The following FCGR3B variants were observed in gnomAD, a reference collection of about 807,000 sequenced individuals.
The protein encoded by FCGR3B is Fc gamma receptor IIIb.
FCGR3B carries 20 observed loss-of-function variants against 26.7 expected under a neutral mutation model. The observed-to-expected ratio is 0.75, with a 90% CI of 0.53 to 1.09. FCGR3B has a LOEUF of 1.09. FCGR3B is among the 50% of genes least tolerant of loss of function. The pLI is 0.00. For synonymous variants in FCGR3B, 79 were observed against 107.0 expected (o/e 0.74, Z 1.62); for missense variants, 191 against 279.7 (o/e 0.68, Z 2.26).
At chr1:161,631,275 C>G (rs1159785172), upstream of FCGR3B, 11 of 1,439,818 alleles carry the variant, frequency 7.6e-6, no homozygotes, top group African/African-American at 1.0e-4. Flanking sequence ...CAATGGAGCC[C>G]CACCATAGAA....
chr1:161,625,957 G>A (rs1181814227), intron 4 of FCGR3B, among the ~76,000 whole-genome samples, 188 bp downstream of exon 4: 6 of 147,358 alleles, frequency 4.1e-5, no homozygotes, highest in Admixed American at 2.0e-4. Flanking sequence ...AGAATGGACT[G>A]AAACAGAGCT....
intron 4 of FCGR3B, 151 bp from the exon 5 acceptor site, chr1:161,624,790 C>G: frequency 1.3e-6 from 1 of 756,854 alleles, no homozygotes; most frequent in Non-Finnish European, 2.1e-6. Context: ...AGTATTGCTT[C>G]CTCCCATTGG....
At position 161,626,957 on chromosome 1, in the gene FCGR3B, C is replaced by T. The variant is rs1380054769; in HGVS notation, c.320-555G>A. Among the ~76,000 whole-genome samples, 24 of 149,854 alleles carry T rather than the reference C, an allele frequency of 1.6e-4. 1 individual carries two copies. The highest frequency in any genetic ancestry group is 3.3e-4 in the Admixed American group (5 of 15,012). ...ATGTAAACATCAGGGTGGCGAAGGG[C>T]GGGACTGGTAGTGCTCAGAGTGGCA... is the stretch of plus-strand genomic sequence containing the variant. On this transcript the variant is annotated intron_variant, in intron 3 of 4. Transcript: ENST00000650385.
intron 4 of FCGR3B, among the ~76,000 whole-genome samples, chr1:161,625,889 T>A (rs1010375796): frequency 4.7e-5 from 7 of 147,890 alleles, no homozygotes; most frequent in African/African-American, 1.8e-4. Flanking sequence ...GGAGGAGATG[T>A]GGCTTCTGCT....
At position 161,629,964 on chromosome 1, in the gene FCGR3B, G is replaced by C. The variant is rs376361357; in HGVS notation, c.133C>G (p.Leu45Val). The change falls in exon 3 of 5, where the codon CTG (leucine) becomes GTG (valine). Residue 45 changes from leucine to valine, a missense_variant. This residue lies in a region of FCGR3B where 88 missense variants were observed against 165.2 expected (regional missense o/e 0.53). Transcript: ENST00000650385. Reference sequence around the variant, plus strand: ...GGGGAGTAGGCTCCCTGGCACTTCAGAGTCACACTGTCCTTCTCAAGCACG... The same window carrying C: ...GGGGAGTAGGCTCCCTGGCACTTCACAGTCACACTGTCCTTCTCAAGCACG... Reference protein sequence around the residue: ...YSVLEKDSVTLKCQGAYSPED... With the variant: ...YSVLEKDSVTVKCQGAYSPED... 4.0e-5 allele frequency: 57 copies of C among 1,408,086 alleles called. 7 individuals carry two copies. The highest frequency in any genetic ancestry group is 3.7e-4 in the Middle Eastern group (2 of 5,436). The allele number at this position is 1,408,086 out of a possible 1,614,324, so 87.2% of individuals were successfully genotyped here.
At position 161,624,530 on chromosome 1, in the gene FCGR3B, C is replaced by T. The variant is rs768731670; in HGVS notation, c.687G>A (p.Val229=). ...TTGTTGAGCTTCAAATGTTTGTCTT[C>T]ACAGAGAAATATAGTCCTGTGTCCA... The part of the protein sequence containing the change: ...FAVDTGLYFS[V]KTNI The change falls in exon 5 of 5, where the codon GTG becomes GTA. Residue 229 remains valine (V), a synonymous_variant. Coordinates refer to ENST00000650385, the MANE Select transcript of FCGR3B (RefSeq NM_001244753.2). 5 of 1,606,896 alleles carry T rather than the reference C, an allele frequency of 3.1e-6. 1 individual carries two copies. The highest frequency in any genetic ancestry group is 3.4e-6 in the Non-Finnish European group (4 of 1,176,842).
chr1:161,630,867 C>T (rs1679712298), intron 1 of FCGR3B, 188 bp downstream of exon 1: 8 of 1,374,846 alleles, frequency 5.8e-6, no homozygotes, highest in Non-Finnish European at 7.7e-6. Context: ...GACTATGACC[C>T]AATTGGAACC....
chr1:161,630,854 C>A, intron 1 of FCGR3B: 1 of 1,300,618 alleles, frequency 7.7e-7, no homozygotes, highest in Non-Finnish European at 1.0e-6. Flanking sequence ...TGGCCTCACT[C>A]ATGACTATGA....
chr1:161,631,417 T>G, upstream of FCGR3B: 1 of 573,218 alleles, frequency 1.7e-6, no homozygotes, highest in Non-Finnish European at 3.0e-6. Context: ...TTTCCCAGGA[T>G]GCTTGCCCCC....
upstream of FCGR3B, chr1:161,631,543 C>T (rs553252527): frequency 9.1e-6 from 4 of 441,644 alleles, no homozygotes; most frequent in Middle Eastern, 5.9e-4. Flanking sequence ...CTCAGAACTT[C>T]TCACTCTCCT....
rs1420153611 is a variant in FCGR3B, at chr1:161,626,213, T to C, written c.509A>G (p.Tyr170Cys). The change falls in exon 4 of 5, where the codon TAC becomes TGC. Residue 170 changes from tyrosine (Y) to cysteine (C), a missense_variant. Tyr to Cys is a radical substitution (Grantham distance 194). Coordinates refer to ENST00000650385, the MANE Select transcript of FCGR3B (RefSeq NM_001244753.2). Reference sequence around the variant, plus strand: ...ACTCCCAACAAGCCCCCTGCAGAAGTAGGAGCCGCTATCTTTGAGTGTGGC... The same window carrying C: ...ACTCCCAACAAGCCCCCTGCAGAAGCAGGAGCCGCTATCTTTGAGTGTGGC... The part of the protein sequence containing the change: ...PKATLKDSGS[Y>C]FCRGLVGSKN... 6 of 1,608,632 alleles carry C rather than the reference T, an allele frequency of 3.7e-6. No individual in the cohort carries two copies. The highest frequency in any genetic ancestry group is 5.1e-6 in the Non-Finnish European group (6 of 1,177,608).
At chr1:161,630,902 A>C in intron 1 of FCGR3B, 153 bp downstream of exon 1, 1 of 1,441,018 alleles carries the variant, frequency 6.9e-7, no homozygotes, top group South Asian at 1.5e-5. Context: ...TTCTAGCCCC[A>C]TCTTGGCTTG....
chr1:161,629,956 G>T lies in FCGR3B; in HGVS notation c.141C>A (p.Cys47Ter). 1 of 1,502,908 alleles carries T rather than the reference G, an allele frequency of 6.7e-7. No homozygotes were observed. The highest frequency in any genetic ancestry group is 8.9e-7 in the Non-Finnish European group (1 of 1,128,016). The allele number at this position is 1,502,908 out of a possible 1,614,324, so 93.1% of individuals were successfully genotyped here. Residue 47 changes from cysteine to a stop codon, truncating the protein, a stop_gained, in exon 3 of 5, where the codon TGC becomes TGA. Coordinates refer to ENST00000650385, the MANE Select transcript of FCGR3B (RefSeq NM_001244753.2). LOFTEE classifies it high-confidence loss of function. ...TGTCCTCAGGGGAGTAGGCTCCCTG[G>T]CACTTCAGAGTCACACTGTCCTTCT... ...VLEKDSVTLKCQGAYSPEDNS... is the reference protein window; with the variant it reads ...VLEKDSVTLK
Position 161,624,191 on chromosome 1 carries a change from G to T in FCGR3B, c.*324C>A. 3.3e-6 allele frequency: 1 copy of T among 305,358 alleles called. No individual in the cohort carries two copies. The highest frequency in any genetic ancestry group is 6.1e-6 in the Non-Finnish European group (1 of 163,014). The allele number at this position is 305,358 out of a possible 1,614,324, so 18.9% of individuals were successfully genotyped here. Reference sequence around the variant, plus strand: ...TGCTTTGCTGTGAGGGAATGGTTGGGACAGAAAAAGTGTTTGTGTAGCTCT... The same window carrying T: ...TGCTTTGCTGTGAGGGAATGGTTGGTACAGAAAAAGTGTTTGTGTAGCTCT... On this transcript the variant is annotated 3_prime_UTR_variant, in exon 5 of 5. Transcript: ENST00000650385.
intron 4 of FCGR3B, among the ~76,000 whole-genome samples, 166 bp downstream of exon 4, chr1:161,625,979 C>T (rs1028699414): frequency 1.4e-5 from 2 of 147,262 alleles, no homozygotes; most frequent in African/African-American, 5.1e-5. Flanking sequence ...CAAACCTACC[C>T]TGCAATCAGG....
In FCGR3B at chr1:161,627,632, A is replaced by G. The variant is rs755772228; in HGVS notation, c.320-1230T>C. 2.1e-4 allele frequency among the ~76,000 whole-genome samples: 31 copies of G among 150,138 alleles called. 4 individuals carry two copies. Among genetic ancestry groups the G allele is most frequent in the East Asian group, 5.8e-4 (3 of 5,138 alleles). ...TATCTATCCACTTACTTTTTCAGCA[A>G]AGAGATGAATCATTATTAGCATAAA... On this transcript the variant is annotated intron_variant, in intron 3 of 4. Coordinates refer to ENST00000650385, the MANE Select transcript of FCGR3B (RefSeq NM_001244753.2).
intron 3 of FCGR3B, among the ~76,000 whole-genome samples, chr1:161,627,508 G>T (rs551183016): frequency 1.3e-5 from 2 of 150,492 alleles, no homozygotes; most frequent in Non-Finnish European, 3.0e-5. Flanking sequence ...TTGGTAGGAC[G>T]TGTGTTGGTC....
Position 161,624,637 on chromosome 1 carries a change from A to G in FCGR3B, c.580T>C (p.Leu194=). The G allele has an allele frequency of 3.7e-6, 6 of 1,603,894 alleles. No individual in the cohort carries two copies. The highest frequency in any genetic ancestry group is 5.1e-6 in the Non-Finnish European group (6 of 1,175,264). The change falls in exon 5 of 5, where the codon TTG becomes CTG. Residue 194 remains leucine (L), a splice_region_variant and synonymous_variant. Transcript: ENST00000650385. The stretch of plus-strand genomic sequence containing the variant: ...AATGATGAGATGGTTGACACTGCCA[A>G]ACCTATTAGGAGAAGTGGAGAGATG... ...ETVNITITQG[L]AVSTISSFSP...
intron 3 of FCGR3B, among the ~76,000 whole-genome samples, chr1:161,627,148 G>A (rs1191579623): frequency 2.0e-5 from 3 of 149,916 alleles, no homozygotes; most frequent in African/African-American, 7.5e-5. Flanking sequence ...GTCGGGAAAT[G>A]GCCTGAATAA....
Sources: allele counts gnomAD v4.1 joint callset (sites outside exome capture counted in the v4.1 genomes callset), GRCh38; gene constraint gnomAD v4.1.1; regional missense constraint gnomAD v4.1.1; transcripts MANE v1.5; gene names NCBI Gene and HGNC (gene_info 2026-07-23, HGNC 2026-07-21).